The following MRPL13 variants were observed in gnomAD, a reference collection of about 807,000 sequenced individuals.
The protein encoded by MRPL13 is large ribosomal subunit protein uL13m.
In MRPL13, 33 loss-of-function variants were observed where a neutral mutation model predicts 29.0. The ratio of observed to expected loss-of-function variants is 1.14; its 90% CI spans 0.86 to 1.52. The LOEUF is 1.52. MRPL13 is among the 40% of genes most tolerant of loss of function. The probability of loss-of-function intolerance (pLI) is 0.00; values close to 1 mark genes in which losing one functional copy is unlikely to be tolerated. For synonymous variants in MRPL13, 77 were observed against 68.4 expected (o/e 1.13, Z -0.62); for missense variants, 227 against 216.7 (o/e 1.05, Z -0.30).
At chr8:120,407,813 T>G (rs1238317345) in intron 6 of MRPL13, among the ~76,000 whole-genome samples, 1 of 152,154 alleles carries the variant, frequency 6.6e-6, no homozygotes, top group Non-Finnish European at 1.5e-5. Context: ...TCAAAAAAAT[T>G]TTTTTCTTCA....
At chr8:120,438,276 G>A (rs1813077789) in intron 2 of MRPL13, among the ~76,000 whole-genome samples, 1 of 152,150 alleles carries the variant, frequency 6.6e-6, no homozygotes, top group South Asian at 2.1e-4. Context: ...AGAAGGTGGA[G>A]GCTGCACTGA....
chr8:120,402,725 G>T (rs1206532524), intron 6 of MRPL13, among the ~76,000 whole-genome samples: 1 of 152,154 alleles, frequency 6.6e-6, no homozygotes, highest in Non-Finnish European at 1.5e-5. Context: ...CACAGAATGG[G>T]AGAAAATGTT....
Position 120,441,758 on chromosome 8 carries a change from ATAAAG to A in MRPL13, c.151+1422_151+1426del, listed in dbSNP as rs372071187. 3.6e-3 allele frequency among the ~76,000 whole-genome samples: 541 copies of A among 152,330 alleles called. 4 individuals are homozygous for A. The highest frequency in any genetic ancestry group is 0.012 in the African/African-American group (509 of 41,574). On this transcript the variant is annotated intron_variant, in intron 2 of 6. Coordinates refer to ENST00000306185, the MANE Select transcript of MRPL13 (RefSeq NM_014078.6). ...ATGCACTGAACATGAGACCATCTAA[ATAAAG>A]TACTGTTTCTTTTCTTACGTGTGTC...
chr8:120,410,845 G>A (rs186183325), intron 6 of MRPL13, among the ~76,000 whole-genome samples: 27 of 151,634 alleles, frequency 1.8e-4, no homozygotes, highest in Non-Finnish European at 3.5e-4. Context: ...GCAATGGTGC[G>A]ATCTCGGCAA....
At chr8:120,406,348 G>A (rs1458186626) in intron 6 of MRPL13, among the ~76,000 whole-genome samples, 1 of 152,088 alleles carries the variant, frequency 6.6e-6, no homozygotes, top group African/African-American at 2.4e-5. Context: ...TTTAAGTAAG[G>A]AGCAAAACCC....
At chr8:120,444,991 T>G (rs2130493799) in intron 1 of MRPL13, 77 bp downstream of exon 1, 1 of 1,600,688 alleles carries the variant, frequency 6.2e-7, no homozygotes, top group Admixed American at 1.7e-5. Context: ...CCAGCTTCAC[T>G]ACTTAATCTG....
chr8:120,421,190 T>C (rs905865319), intron 4 of MRPL13, among the ~76,000 whole-genome samples: 5 of 151,668 alleles, frequency 3.3e-5, no homozygotes, highest in Non-Finnish European at 5.9e-5. Context: ...TTATTATTTA[T>C]AGGAAGGGGA....
At chr8:120,425,039 T>C (rs1812916299) in intron 4 of MRPL13, among the ~76,000 whole-genome samples, 1 of 152,130 alleles carries the variant, frequency 6.6e-6, no homozygotes, top group South Asian at 2.1e-4. Context: ...ACTCATCATA[T>C]ACTAGGTGAT....
intron 4 of MRPL13, among the ~76,000 whole-genome samples, chr8:120,422,278 T>C (rs1425373871): frequency 6.6e-6 from 1 of 151,712 alleles, no homozygotes; most frequent in African/African-American, 2.4e-5. Context: ...GTCTAGCACT[T>C]TGCTAATTTA....
At chr8:120,406,941 G>C (rs1285874345) in intron 6 of MRPL13, among the ~76,000 whole-genome samples, 1 of 152,156 alleles carries the variant, frequency 6.6e-6, no homozygotes, top group East Asian at 1.9e-4. Context: ...TGAGAAAACA[G>C]AACTTTAAAA....
At chr8:120,403,332 C>CT (rs1812624213) in intron 6 of MRPL13, among the ~76,000 whole-genome samples, 1 of 152,198 alleles carries the variant, frequency 6.6e-6, no homozygotes, top group African/African-American at 2.4e-5. Flanking sequence ...AGATCACGTC[C>CT]TTTGCAGGAA....
At chr8:120,410,155 A>C (rs12335140) in intron 6 of MRPL13, among the ~76,000 whole-genome samples, 8,557 of 152,224 alleles carry the variant, frequency 0.056, 484 homozygotes, top group African/African-American at 0.14. Context: ...TGTACATTCT[A>C]ATATTATGAA....
intron 6 of MRPL13, among the ~76,000 whole-genome samples, chr8:120,397,152 C>A (rs1812534303): frequency 6.6e-6 from 1 of 152,164 alleles, no homozygotes; most frequent in Non-Finnish European, 1.5e-5. Context: ...CGGATCTTTG[C>A]AGCCTGTGGA....
At chr8:120,409,086 A>C (rs1812713181) in intron 6 of MRPL13, among the ~76,000 whole-genome samples, 1 of 152,178 alleles carries the variant, frequency 6.6e-6, no homozygotes, top group Admixed American at 6.5e-5. Flanking sequence ...GCACATTTCT[A>C]ATAGCACACT....
chr8:120,400,993 C>T lies in MRPL13; in HGVS notation c.516-4868G>A, dbSNP rs527242621. ...CTGAATAGACCCATAATTCTGAAAT[C>T]GAATCAGTAATAAATAGCTCACCAA... is the stretch of plus-strand genomic sequence containing the variant. On this transcript the variant is annotated intron_variant, in intron 6 of 6. Transcript: ENST00000306185. Among the ~76,000 whole-genome samples, 5 of 151,848 alleles carry T rather than the reference C, an allele frequency of 3.3e-5. No homozygotes were observed. The South Asian group carries it at 6.2e-4, about 19-fold the overall frequency.
In MRPL13 at chr8:120,396,142, A is replaced by G. The variant is rs776032789; in HGVS notation, c.516-17T>C. On this transcript the variant is annotated splice_polypyrimidine_tract_variant and intron_variant, in intron 6 of 6. Coordinates refer to ENST00000306185, the MANE Select transcript of MRPL13 (RefSeq NM_014078.6). ...TCTTCAGGTCTGAAAGAAAAAATCAACATATTTCTTCATGAATCATTATTT... is the reference window on the plus strand; with the variant it reads ...TCTTCAGGTCTGAAAGAAAAAATCAGCATATTTCTTCATGAATCATTATTT... The G allele has an allele frequency of 3.2e-6, 5 of 1,556,726 alleles. No homozygotes were observed. The highest frequency in any genetic ancestry group is 4.4e-6 in the Non-Finnish European group (5 of 1,136,648).
chr8:120,411,213 T>C (rs4392947), intron 6 of MRPL13, among the ~76,000 whole-genome samples: 144,932 of 152,204 alleles, frequency 0.95, 69,017 homozygotes, highest in East Asian at 1. Context: ...AGGTGTGTGC[T>C]AACACACCTG....
At chr8:120,440,250 A>C (rs1195486526) in intron 2 of MRPL13, among the ~76,000 whole-genome samples, 1 of 152,246 alleles carries the variant, frequency 6.6e-6, no homozygotes, top group Non-Finnish European at 1.5e-5. Context: ...AGAAATCTGA[A>C]AGACATGAAG....
At position 120,395,932 on chromosome 8, in the gene MRPL13, T is replaced by C; in HGVS notation, c.*172A>G. 3 of 529,988 alleles carry C rather than the reference T, an allele frequency of 5.7e-6. No individual in the cohort carries two copies. The South Asian group carries it at 8.6e-5, about 15-fold the overall frequency. The allele number at this position is 529,988 out of a possible 1,614,324, so 32.8% of individuals were successfully genotyped here. On this transcript the variant is annotated 3_prime_UTR_variant, in exon 7 of 7. Coordinates refer to ENST00000306185, the MANE Select transcript of MRPL13 (RefSeq NM_014078.6). ...ATGGTTCTATAAAATTATATTTTAA[T>C]TACAATTTCCTATTGAAGGACTATA... is the stretch of plus-strand genomic sequence containing the variant.
Sources: gnomAD v4.1 joint callset for allele counts (sites outside exome capture counted in the v4.1 genomes callset) on GRCh38, gnomAD v4.1.1 for gene constraint, MANE v1.5 for transcripts, NCBI Gene and HGNC (gene_info 2026-07-23, HGNC 2026-07-21) for gene names.